Variants in CNTN5 observed in about 807,000 individuals in gnomAD.
CNTN5 encodes contactin-5.
Under a neutral mutation model 129.1 loss-of-function variants are expected in CNTN5, and 77 were observed. The ratio of observed to expected loss-of-function variants is 0.60; its 90% CI spans 0.50 to 0.72. The LOEUF is 0.72. Ranked by LOEUF, CNTN5 falls within the 30% of genes least tolerant of loss-of-function variation. CNTN5 has a pLI of 0.00. For missense variants in CNTN5, 1,478 were observed against 1,328.8 expected (o/e 1.11, Z -1.75); for synonymous variants, 509 against 465.6 (o/e 1.09, Z -1.20).
At chr11:100,272,960 G>C (rs1481210572) in intron 18 of CNTN5, among the ~76,000 whole-genome samples, 1 of 152,126 alleles carries the variant, frequency 6.6e-6, no homozygotes, top group African/African-American at 2.4e-5. Flanking sequence ...GTGAAGCATG[G>C]TCAGGGATGG....
chr11:99,231,908 C>A (rs1861019892), intron 1 of CNTN5, among the ~76,000 whole-genome samples: 1 of 152,092 alleles, frequency 6.6e-6, no homozygotes, highest in Admixed American at 6.6e-5. Flanking sequence ...AATAGGGAAT[C>A]ATTTCCTCAT....
chr11:99,613,359 G>T (rs1282330297), intron 3 of CNTN5, among the ~76,000 whole-genome samples: 3 of 152,142 alleles, frequency 2.0e-5, no homozygotes, highest in Non-Finnish European at 4.4e-5. Context: ...GTCTTGGGGA[G>T]AAGGGTCCTT....
At chr11:99,727,312 C>CAAAAAAAA (rs397936738) in intron 3 of CNTN5, among the ~76,000 whole-genome samples, 290 of 24,284 alleles carry the variant, frequency 0.012, 27 homozygotes, top group African/African-American at 0.04. Context: ...GACTCCGTCT[C>CAAAAAAAA]AAAAAAAAAA....
intron 2 of CNTN5, among the ~76,000 whole-genome samples, chr11:99,508,808 A>G (rs143145547): frequency 0.066 from 10,078 of 151,788 alleles, 376 homozygotes; most frequent in African/African-American, 0.1. Context: ...CAGCCTCCCA[A>G]GTAGCTGGGA....
chr11:99,694,770 G>A (rs972655488), intron 3 of CNTN5, among the ~76,000 whole-genome samples: 1 of 151,888 alleles, frequency 6.6e-6, no homozygotes, highest in Non-Finnish European at 1.5e-5. Context: ...GAGAACATGC[G>A]GTGTTTGGTT....
chr11:100,252,701 G>T (rs1949990584), intron 16 of CNTN5, among the ~76,000 whole-genome samples: 1 of 152,060 alleles, frequency 6.6e-6, no homozygotes, highest in African/African-American at 2.4e-5. Context: ...CTGATCTGAA[G>T]GCCTCTTCAC....
chr11:99,330,722 G>T (rs1865966541), intron 2 of CNTN5, among the ~76,000 whole-genome samples: 2 of 152,040 alleles, frequency 1.3e-5, no homozygotes, highest in South Asian at 2.1e-4. Context: ...CTAATTGCTG[G>T]TAGTTATCTA....
intron 3 of CNTN5, among the ~76,000 whole-genome samples, chr11:99,599,635 T>G (rs1240475496): frequency 6.6e-6 from 1 of 152,142 alleles, no homozygotes; most frequent in African/African-American, 2.4e-5. Flanking sequence ...CCCTTCCTCC[T>G]GATATACCAA....
At chr11:99,925,924 T>C (rs1246973645) in intron 7 of CNTN5, among the ~76,000 whole-genome samples, 1 of 152,126 alleles carries the variant, frequency 6.6e-6, no homozygotes, top group East Asian at 1.9e-4. Flanking sequence ...TACCATCATA[T>C]TTCACCTGGG....
intron 1 of CNTN5, among the ~76,000 whole-genome samples, chr11:99,201,332 C>CGAAG (rs1565398636): frequency 2.5e-5 from 2 of 81,370 alleles, no homozygotes; most frequent in African/African-American, 1.1e-4. Context: ...CCCCTTCCTT[C>CGAAG]CTTCCTTCCT....
chr11:100,346,039 T>A (rs867895310), intron 23 of CNTN5, among the ~76,000 whole-genome samples: 5 of 152,320 alleles, frequency 3.3e-5, no homozygotes, highest in Admixed American at 1.3e-4. Context: ...TGTGCCACTT[T>A]ATTTTGTTGT....
Position 99,590,484 on chromosome 11 carries a change from C to T in CNTN5, c.55+34215C>T, listed in dbSNP as rs115051893. The stretch of plus-strand genomic sequence containing the variant: ...GACAAGTGGCAAAGTTAAGATAGGA[C>T]AATATTTCCAAGTAGATAACACAGT... On this transcript the variant is annotated intron_variant, in intron 3 of 24. Coordinates refer to ENST00000524871, the MANE Select transcript of CNTN5 (RefSeq NM_014361.4). Among the ~76,000 whole-genome samples, 542 of 152,142 alleles carry T rather than the reference C, an allele frequency of 3.6e-3. 6 individuals are homozygous for T. The highest frequency in any genetic ancestry group is 0.013 in the African/African-American group (524 of 41,498).
intron 4 of CNTN5, among the ~76,000 whole-genome samples, chr11:99,820,231 T>A (rs970248628): frequency 6.6e-6 from 1 of 152,290 alleles, no homozygotes; most frequent in Non-Finnish European, 1.5e-5. Context: ...AATTTAGGAT[T>A]AAGACTAAAT....
chr11:99,444,184 G>A (rs1304118271), intron 2 of CNTN5, among the ~76,000 whole-genome samples: 2 of 151,972 alleles, frequency 1.3e-5, no homozygotes, highest in Non-Finnish European at 2.9e-5. Flanking sequence ...TGCTGACAGA[G>A]CAAAACTCTG....
intron 8 of CNTN5, among the ~76,000 whole-genome samples, chr11:99,995,206 C>T (rs1416917180): frequency 1.3e-5 from 2 of 151,818 alleles, no homozygotes; most frequent in Non-Finnish European, 2.9e-5. Context: ...AAAAATGAAA[C>T]CCAGAGTTTT....
intron 1 of CNTN5, among the ~76,000 whole-genome samples, chr11:99,134,645 A>G (rs1472798443): frequency 6.6e-6 from 1 of 152,312 alleles, no homozygotes; most frequent in African/African-American, 2.4e-5. Context: ...TATTTCTACT[A>G]CTAGAAATTG....
chr11:100,004,233 C>T (rs1490603665), intron 9 of CNTN5, among the ~76,000 whole-genome samples: 1 of 152,144 alleles, frequency 6.6e-6, no homozygotes, highest in African/African-American at 2.4e-5. Flanking sequence ...TTCCCCCTCA[C>T]TGTGTCCTAA....
At chr11:100,036,720 C>A (rs1367428179) in intron 9 of CNTN5, among the ~76,000 whole-genome samples, 3 of 149,936 alleles carry the variant, frequency 2.0e-5, no homozygotes, top group Non-Finnish European at 4.5e-5. Flanking sequence ...ATTTTATTCT[C>A]TTTGAAGCAA....
intron 1 of CNTN5, among the ~76,000 whole-genome samples, chr11:99,127,270 C>T (rs1858685675): frequency 6.6e-6 from 1 of 152,146 alleles, no homozygotes; most frequent in Non-Finnish European, 1.5e-5. Context: ...TGATTTTCTT[C>T]TTTTTTCTTT....
Sources: gnomAD v4.1 joint callset for allele counts (sites outside exome capture counted in the v4.1 genomes callset) on GRCh38, gnomAD v4.1.1 for gene constraint, MANE v1.5 for transcripts, NCBI Gene and HGNC (gene_info 2026-07-23, HGNC 2026-07-21) for gene names.